Variants in LEKR1 observed in about 807,000 individuals in gnomAD.
The protein encoded by LEKR1 is protein LEKR1.
In LEKR1, 59 loss-of-function variants were observed where a neutral mutation model predicts 72.4. The observed-to-expected ratio is 0.82, with a 90% CI of 0.66 to 1.01. The LOEUF (loss-of-function observed/expected upper bound fraction) is 1.01. Ranked by LOEUF, LEKR1 falls within the 50% of genes least tolerant of loss-of-function variation. The probability of loss-of-function intolerance (pLI) is 0.00; values close to 1 mark genes in which losing one functional copy is unlikely to be tolerated. For synonymous variants in LEKR1, 257 were observed against 263.2 expected (o/e 0.98, Z 0.23); for missense variants, 728 against 759.2 (o/e 0.96, Z 0.48).
intron 3 of LEKR1, among the ~76,000 whole-genome samples, chr3:156,896,539 TAAGTC>T (rs1400729060): frequency 6.6e-6 from 1 of 152,090 alleles, no homozygotes; most frequent in Non-Finnish European, 1.5e-5. Context: ...GGTGATTACT[TAAGTC>T]AAGAAATAAC....
intron 6 of LEKR1, among the ~76,000 whole-genome samples, chr3:156,951,836 G>A (rs1232063324): frequency 6.6e-6 from 1 of 151,430 alleles, no homozygotes; most frequent in African/African-American, 2.4e-5. Flanking sequence ...ATGTTTTTGT[G>A]TGTCTTTATT....
chr3:156,876,073 A>G (rs1201601301), intron 3 of LEKR1, among the ~76,000 whole-genome samples: 1 of 149,864 alleles, frequency 6.7e-6, no homozygotes, highest in Non-Finnish European at 1.5e-5. Flanking sequence ...TCGTGGCACC[A>G]TTTGTGGAAT....
intron 3 of LEKR1, among the ~76,000 whole-genome samples, chr3:156,893,055 G>C (rs556562690): frequency 6.6e-6 from 1 of 152,322 alleles, no homozygotes; most frequent in East Asian, 1.9e-4. Flanking sequence ...TTCTTGAGGG[G>C]CTCTGGAATT....
rs1217732854 is a variant in LEKR1 at position 157,045,859 on chromosome 3, G to A, written c.*109G>A. The A allele has an allele frequency of 4.0e-6, 4 of 995,144 alleles. No homozygotes were observed. The highest frequency in any genetic ancestry group is 4.4e-6 in the Non-Finnish European group (3 of 681,892). 61.6% of individuals were successfully genotyped at this position (995,144 alleles called of 1,614,324 possible). ...ATGATAAAATTATTTTCACAGATCA[G>A]GAAGGCATACCTATAGATGTATTTA... On this transcript the variant is annotated 3_prime_UTR_variant, in exon 13 of 13. Coordinates refer to ENST00000356539, the MANE Select transcript of LEKR1 (RefSeq NM_001004316.3).
At chr3:156,968,561 A>G (rs1560114761) in intron 6 of LEKR1, among the ~76,000 whole-genome samples, 1 of 152,238 alleles carries the variant, frequency 6.6e-6, no homozygotes, top group Non-Finnish European at 1.5e-5. Context: ...CAATTCAACA[A>G]GAAGAGCTAA....
chr3:157,019,836 A>G (rs915131926), intron 10 of LEKR1, among the ~76,000 whole-genome samples: 4 of 152,204 alleles, frequency 2.6e-5, no homozygotes, highest in Admixed American at 6.5e-5. Context: ...AATTTTGTTC[A>G]AACTAATCAG....
At chr3:156,838,361 A>T (rs1166428940) in intron 2 of LEKR1, among the ~76,000 whole-genome samples, 1 of 152,232 alleles carries the variant, frequency 6.6e-6, no homozygotes, top group Non-Finnish European at 1.5e-5. Flanking sequence ...AAAGACAAAC[A>T]AAAAGGCCTT....
In LEKR1 at chr3:156,852,914, A is replaced by T. The variant is rs414683; in HGVS notation, c.195A>T (p.Gln65His). 1 of 1,513,334 alleles carries T rather than the reference A, an allele frequency of 6.6e-7. No homozygotes were observed. Among genetic ancestry groups the T allele is most frequent in the Non-Finnish European group, 8.8e-7 (1 of 1,133,698 alleles). 93.7% of individuals were successfully genotyped at this position (1,513,334 alleles called of 1,614,324 possible). A position where few individuals can be genotyped will look rare whatever the true frequency, so the allele number is the denominator to read the frequency against. ...QGSVDREKRL[Q>H]EKLHSLSQEL... ...GTGTAGATCGTGAAAAGAGACTTCA[A>T]GAAAAGCTGCATTCTCTTAGCCAAG... is the stretch of plus-strand genomic sequence containing the variant. The change falls in exon 3 of 13, where the codon CAA (glutamine) becomes CAT (histidine). Residue 65 changes from glutamine to histidine, a missense_variant. Physicochemically the swap from Gln to His is conservative, Grantham distance 24 (BLOSUM62 0). Transcript: ENST00000356539.
chr3:156,953,300 A>T (rs890605206), intron 6 of LEKR1, among the ~76,000 whole-genome samples: 2 of 151,562 alleles, frequency 1.3e-5, no homozygotes, highest in Admixed American at 6.6e-5. Flanking sequence ...AGTTTAGTGC[A>T]TTTGTTACAA....
intron 9 of LEKR1, among the ~76,000 whole-genome samples, chr3:157,010,189 T>C (rs1732776609): frequency 1.3e-5 from 2 of 150,084 alleles, no homozygotes; most frequent in African/African-American, 4.9e-5. Flanking sequence ...ATATTGTCTA[T>C]TTTTTTTTGT....
chr3:156,909,544 A>G (rs574117491), intron 3 of LEKR1, among the ~76,000 whole-genome samples: 3 of 151,540 alleles, frequency 2.0e-5, no homozygotes, highest in African/African-American at 7.3e-5. Flanking sequence ...CCAGCTACTC[A>G]GGAGGCTGAG....
At chr3:156,886,097 T>G (rs1226601068) in intron 3 of LEKR1, among the ~76,000 whole-genome samples, 1 of 152,098 alleles carries the variant, frequency 6.6e-6, no homozygotes, top group Non-Finnish European at 1.5e-5. Context: ...TTTAGGCAGG[T>G]CTGGGTTCAG....
intron 3 of LEKR1, among the ~76,000 whole-genome samples, chr3:156,876,238 G>C (rs1017173112): frequency 5.3e-5 from 8 of 152,084 alleles, no homozygotes; most frequent in African/African-American, 1.9e-4. Context: ...CCATAGCCTT[G>C]TAGTATAGTT....
At chr3:157,028,464 A>T in intron 12 of LEKR1, 62 bp downstream of exon 12, 4 of 1,408,214 alleles carry the variant, frequency 2.8e-6, no homozygotes, top group Non-Finnish European at 3.8e-6. Flanking sequence ...TTCAACAAAC[A>T]AACAAAAACG....
chr3:156,849,163 T>A (rs1715010700), intron 2 of LEKR1, among the ~76,000 whole-genome samples: 1 of 151,986 alleles, frequency 6.6e-6, no homozygotes, highest in South Asian at 2.1e-4. Context: ...CACAATTGCT[T>A]CAAAGAGAAT....
At chr3:156,978,639 G>A (rs916971806) in intron 6 of LEKR1, among the ~76,000 whole-genome samples, 1 of 152,126 alleles carries the variant, frequency 6.6e-6, no homozygotes, top group African/African-American at 2.4e-5. Context: ...ACATTCTCCA[G>A]TTAAAGACTC....
At chr3:157,008,166 A>C (rs1732612954) in intron 9 of LEKR1, among the ~76,000 whole-genome samples, 1 of 152,134 alleles carries the variant, frequency 6.6e-6, no homozygotes, top group African/African-American at 2.4e-5. Flanking sequence ...TCTCCCTTTC[A>C]CATTTGCTGG....
intron 3 of LEKR1, among the ~76,000 whole-genome samples, chr3:156,892,000 C>G (rs1320933522): frequency 6.6e-6 from 1 of 151,650 alleles, no homozygotes; most frequent in Non-Finnish European, 1.5e-5. Flanking sequence ...TACAAGAAAC[C>G]AAGTTATAAG....
chr3:156,958,828 G>T (rs890069830), intron 6 of LEKR1, among the ~76,000 whole-genome samples: 3 of 151,834 alleles, frequency 2.0e-5, no homozygotes, highest in Non-Finnish European at 2.9e-5. Context: ...TTTAACTTTA[G>T]TGATTCTCAA....
Sources: allele counts gnomAD v4.1 joint callset (sites outside exome capture counted in the v4.1 genomes callset), GRCh38; gene constraint gnomAD v4.1.1; transcripts MANE v1.5; gene names NCBI Gene and HGNC (gene_info 2026-07-23, HGNC 2026-07-21).